STAT4: variants seen among roughly 807,000 people sequenced by gnomAD.
The protein encoded by STAT4 is signal transducer and activator of transcription 4.
Under a neutral mutation model 110.5 loss-of-function variants are expected in STAT4, and 42 were observed. That is an observed-to-expected ratio of 0.38 (90% CI 0.30 to 0.49). STAT4 has a LOEUF of 0.49. STAT4 is among the 20% of genes least tolerant of loss of function. The probability of loss-of-function intolerance (pLI) is 0.95; values close to 1 mark genes in which losing one functional copy is unlikely to be tolerated. For synonymous variants in STAT4, 284 were observed against 302.2 expected, an observed-to-expected ratio of 0.94 and a Z score of 0.63; for missense variants, 632 against 887.9, an observed-to-expected ratio of 0.71 and a Z score of 3.66.
chr2:191,040,457 G>C (rs1206803709), intron 15 of STAT4, among the ~76,000 whole-genome samples: 2 of 152,146 alleles, frequency 1.3e-5, no homozygotes, highest in Non-Finnish European at 2.9e-5. Context: ...GAGTGTTCAT[G>C]ACTCAGGAAA....
chr2:191,031,332 A>G lies in STAT4; in HGVS notation c.2111+118T>C, dbSNP rs1181283808. ...AGGCTAGCCTTATGTATTAAAGGAA[A>G]TGGGACATTGCACATTACAATGCTT... On this transcript the variant is annotated intron_variant, in intron 22 of 23. Transcript: ENST00000392320. The surrounding 1 kb of genome is among the most constrained non-coding windows in gnomAD (Gnocchi z 4.8). The G allele has an allele frequency of 3.7e-6, 4 of 1,081,418 alleles. No individual in the cohort carries two copies. The highest frequency in any genetic ancestry group is 1.6e-5 in the African/African-American group (1 of 62,832). 67.0% of individuals were successfully genotyped at this position (1,081,418 alleles called of 1,614,324 possible).
rs1697625269 is a variant in STAT4, at chr2:191,086,073, T to C, written c.274-9748A>G. On this transcript the variant is annotated intron_variant, in intron 3 of 23. Coordinates refer to ENST00000392320, the MANE Select transcript of STAT4 (RefSeq NM_003151.4). This position sits in a 1 kb window ranked among gnomAD's most constrained non-coding sequence, Gnocchi z 5.5. Reference sequence around the variant, plus strand: ...ATAGTTATTTTCATAAGTTCAATAATAATAATCTCTTTTCTTCTGTAAGAG... The same window carrying C: ...ATAGTTATTTTCATAAGTTCAATAACAATAATCTCTTTTCTTCTGTAAGAG... Among the ~76,000 whole-genome samples, 1 of 152,186 alleles carries C rather than the reference T, an allele frequency of 6.6e-6. No homozygotes were observed. The highest frequency in any genetic ancestry group is 1.5e-5 in the Non-Finnish European group (1 of 68,036).
chr2:191,069,221 T>C (rs190578187), intron 6 of STAT4, among the ~76,000 whole-genome samples: 4 of 152,108 alleles, frequency 2.6e-5, no homozygotes, highest in Non-Finnish European at 5.9e-5. Flanking sequence ...TTTATTTTTT[T>C]AATGCTTTTG....
At chr2:191,131,748 G>A (rs1699042558) in intron 3 of STAT4, 14 of 1,267,880 alleles carry the variant, frequency 1.1e-5, no homozygotes, top group Non-Finnish European at 1.4e-5. Flanking sequence ...AGGAATAGAT[G>A]GGTACTAAAT....
In STAT4 at chr2:191,066,536, G is replaced by A. The variant is rs563213210; in HGVS notation, c.545-21C>T. 2.4e-5 allele frequency: 39 copies of A among 1,605,686 alleles called. No individual in the cohort carries two copies. In the South Asian group the frequency reaches 4.2e-4, roughly 17 times the overall value. ...CTGATCTGCAAAGGTAAAGAGATCA[G>A]ATTTAGAGTTCTCTCTATTCCTGAA... On this transcript the variant is annotated intron_variant, in intron 6 of 23. Transcript: ENST00000392320. The surrounding 1 kb of genome is among the most constrained non-coding windows in gnomAD (Gnocchi z 4.3).
chr2:191,097,923 A>C (rs1490781818), intron 3 of STAT4, among the ~76,000 whole-genome samples: 2 of 151,592 alleles, frequency 1.3e-5, no homozygotes, highest in Non-Finnish European at 2.9e-5. Context: ...AGAAAAAAAA[A>C]CCAACCAACC....
rs1279398488 is a variant in STAT4 at position 191,043,739 on chromosome 2, C to CA, written c.1252-2592dup. On this transcript the variant is annotated intron_variant, in intron 14 of 23. Transcript: ENST00000392320. The surrounding 1 kb of genome is among the most constrained non-coding windows in gnomAD (Gnocchi z 4.8). ...AGCTATACTGTGTATATTTATAGAG[C>CA]AAAAAACTATACAGCGTTGGAATAA... Among the ~76,000 whole-genome samples the CA allele has an allele frequency of 6.6e-6, 1 of 151,834 alleles. No homozygotes were observed. The highest frequency in any genetic ancestry group is 1.5e-5 in the Non-Finnish European group (1 of 67,972).
intron 3 of STAT4, among the ~76,000 whole-genome samples, chr2:191,128,728 C>T (rs1162473408): frequency 1.3e-5 from 2 of 152,198 alleles, no homozygotes; most frequent in African/African-American, 4.8e-5. Flanking sequence ...GAGTTTAAAA[C>T]TCTCACTAAT....
intron 3 of STAT4, among the ~76,000 whole-genome samples, chr2:191,094,602 G>T (rs1697906136): frequency 6.6e-6 from 1 of 152,124 alleles, no homozygotes; most frequent in Non-Finnish European, 1.5e-5. Flanking sequence ...ACTAAAAATG[G>T]GAGGGAACAA....
chr2:191,093,560 T>A (rs1043928741), intron 3 of STAT4, among the ~76,000 whole-genome samples: 1 of 151,946 alleles, frequency 6.6e-6, no homozygotes, highest in Non-Finnish European at 1.5e-5. Context: ...AAAAAGGATA[T>A]CCACATCAAA....
Position 191,033,090 on chromosome 2 carries a change from A to G in STAT4, c.1912T>C (p.Phe638Leu). Residue 638 changes from phenylalanine to leucine, a missense_variant, in exon 21 of 24, where the codon TTC becomes CTC. Phe to Leu is a conservative substitution (Grantham distance 22, BLOSUM62 0). Around this residue, in one of 4 missense-constraint regions of STAT4, gnomAD observed 74 missense variants for 154.3 expected, o/e 0.48. Transcript: ENST00000392320. This position sits in a 1 kb window ranked among gnomAD's most constrained non-coding sequence, Gnocchi z 6.9. ...TTGTAGTCTCGCAGGATGTCAGCGAATGGCAGAGCAGACAACCGGCCTTTA... is the reference window on the plus strand; with the variant it reads ...TTGTAGTCTCGCAGGATGTCAGCGAGTGGCAGAGCAGACAACCGGCCTTTA... ...YNKGRLSALP[F>L]ADILRDYKVI... 6.2e-7 allele frequency: 1 copy of G among 1,614,228 alleles called. No individual in the cohort carries two copies. Among genetic ancestry groups the G allele is most frequent in the Non-Finnish European group, 8.5e-7 (1 of 1,180,044 alleles).
chr2:191,093,114 G>T (rs752637684), intron 3 of STAT4, among the ~76,000 whole-genome samples: 15 of 152,204 alleles, frequency 9.9e-5, no homozygotes, highest in Admixed American at 6.5e-4. Flanking sequence ...ATCTCTGGGG[G>T]CAGGGCGTAG....
In STAT4 at chr2:191,046,175, G is replaced by A. The variant is rs1307078363; in HGVS notation, c.1252-5027C>T. On this transcript the variant is annotated intron_variant, in intron 14 of 23. Coordinates refer to ENST00000392320, the MANE Select transcript of STAT4 (RefSeq NM_003151.4). This position sits in a 1 kb window ranked among gnomAD's most constrained non-coding sequence, Gnocchi z 4.6. ...GTGCAGAACATTTGAGAGGCCTCAG[G>A]CAAGTGCACAGATAGAGACCCAATA... Among the ~76,000 whole-genome samples, 2 of 152,182 alleles carry A rather than the reference G, an allele frequency of 1.3e-5. No homozygotes were observed. Among genetic ancestry groups the A allele is most frequent in the Non-Finnish European group, 2.9e-5 (2 of 68,036 alleles).
At chr2:191,093,914 A>T (rs1301381406) in intron 3 of STAT4, among the ~76,000 whole-genome samples, 1 of 152,206 alleles carries the variant, frequency 6.6e-6, no homozygotes, top group Non-Finnish European at 1.5e-5. Flanking sequence ...GTTGCTGAAA[A>T]CCATGGCATG....
At chr2:191,097,593 TC>T (rs1698028704) in intron 3 of STAT4, among the ~76,000 whole-genome samples, 1 of 152,198 alleles carries the variant, frequency 6.6e-6, no homozygotes, top group Non-Finnish European at 1.5e-5. Flanking sequence ...CTGGATCCCT[TC>T]CTTACACCTT....
intron 6 of STAT4, chr2:191,068,552 C>T (rs1467962300): frequency 6.6e-6 from 1 of 152,098 alleles, no homozygotes; most frequent in Non-Finnish European, 1.5e-5. Context: ...ATATTTCCTT[C>T]AAGATACATT....
chr2:191,095,377 A>G (rs1459010715), intron 3 of STAT4, among the ~76,000 whole-genome samples: 4 of 152,194 alleles, frequency 2.6e-5, no homozygotes, highest in Non-Finnish European at 5.9e-5. Flanking sequence ...AACACTCCTC[A>G]GCAAATGTAA....
intron 8 of STAT4, 97 bp from the exon 9 acceptor site, chr2:191,063,017 A>G (rs1477862333): frequency 2.2e-6 from 2 of 914,200 alleles, no homozygotes; most frequent in East Asian, 3.1e-5. Flanking sequence ...TTAAATTATT[A>G]AGTAATTATT....
rs71320885 is a variant in STAT4, at chr2:191,096,442, C to A, written c.274-20117G>T. 4.1e-4 allele frequency among the ~76,000 whole-genome samples: 62 copies of A among 152,306 alleles called. No individual in the cohort carries two copies. In the Middle Eastern group the frequency reaches 0.01, roughly 25 times the overall value. The stretch of plus-strand genomic sequence containing the variant: ...CACCACGATCAAGTTGGCTTCATCC[C>A]TGGGATGCAAGGCTGGTTCAACATA... On this transcript the variant is annotated intron_variant, in intron 3 of 23. Coordinates refer to ENST00000392320, the MANE Select transcript of STAT4 (RefSeq NM_003151.4).
Sources: allele counts gnomAD v4.1 joint callset (sites outside exome capture counted in the v4.1 genomes callset), GRCh38; gene constraint gnomAD v4.1.1; regional missense constraint gnomAD v4.1.1; non-coding constraint Gnocchi (gnomAD v3.1); transcripts MANE v1.5; gene names NCBI Gene and HGNC (gene_info 2026-07-23, HGNC 2026-07-21).